Variants in SH3PXD2A observed in about 807,000 individuals in gnomAD.
The protein encoded by SH3PXD2A is SH3 and PX domain-containing protein 2A.
A neutral mutation model predicts 115.2 loss-of-function variants in SH3PXD2A; 32 were observed. That is an observed-to-expected ratio of 0.28 (90% CI 0.21 to 0.37). SH3PXD2A has a LOEUF of 0.37. SH3PXD2A is among the 10% of genes least tolerant of loss of function. SH3PXD2A has a pLI of 1.00. For synonymous variants in SH3PXD2A, 610 were observed against 629.1 expected (o/e 0.97, Z 0.45); for missense variants, 1,328 against 1,498.7 (o/e 0.89, Z 1.88).
rs144468476 is a variant in SH3PXD2A, at chr10:103,643,811, G to T, written c.605-16609C>A. On this transcript the variant is annotated intron_variant, in intron 8 of 14. Transcript: ENST00000369774. ...TGATCTTCTTCAGGTGAAGCTTGGGGTAAAGAATCTGCAGACCAGGCCAGG... is the reference window on the plus strand; with the variant it reads ...TGATCTTCTTCAGGTGAAGCTTGGGTTAAAGAATCTGCAGACCAGGCCAGG... Among the ~76,000 whole-genome samples the T allele has an allele frequency of 5.6e-3, 854 of 152,242 alleles. 6 individuals are homozygous for T. The highest frequency in any genetic ancestry group is 0.019 in the African/African-American group (810 of 41,548).
intron 1 of SH3PXD2A, among the ~76,000 whole-genome samples, chr10:103,825,648 T>A (rs757170206): frequency 2.0e-5 from 3 of 151,926 alleles, no homozygotes; most frequent in Non-Finnish European, 4.4e-5. Context: ...GAGCATAGAG[T>A]CCTGTGGCAT....
intron 8 of SH3PXD2A, among the ~76,000 whole-genome samples, chr10:103,631,625 T>C (rs923528014): frequency 4.6e-5 from 7 of 152,208 alleles, no homozygotes; most frequent in African/African-American, 1.7e-4. Context: ...ACCAGGCACC[T>C]GCTGCCACAG....
At chr10:103,722,595 C>T (rs987394738) in intron 5 of SH3PXD2A, among the ~76,000 whole-genome samples, 2 of 143,574 alleles carry the variant, frequency 1.4e-5, no homozygotes, top group Non-Finnish European at 3.0e-5. Context: ...AGCCAATATG[C>T]CTAGCTTTTT....
In SH3PXD2A at chr10:103,665,894, AG is replaced by A. The variant is rs759313560; in HGVS notation, c.472+2713del. Among the ~76,000 whole-genome samples the A allele has an allele frequency of 6.6e-6, 1 of 152,132 alleles. No individual in the cohort carries two copies. Among genetic ancestry groups the A allele is most frequent in the African/African-American group, 2.4e-5 (1 of 41,426 alleles). On this transcript the variant is annotated intron_variant, in intron 7 of 14. Coordinates refer to ENST00000369774, the MANE Select transcript of SH3PXD2A (RefSeq NM_001394015.1). The surrounding 1 kb of genome is among the most constrained non-coding windows in gnomAD (Gnocchi z 4.0). ...ACAGCAGAGCCTCTCCTGGGTTGGAAGGGGCCTTTGCATGAGTCTGATCCAG... is the reference window on the plus strand; with the variant it reads ...ACAGCAGAGCCTCTCCTGGGTTGGAAGGGCCTTTGCATGAGTCTGATCCAG...
At chr10:103,848,506 A>G (rs2134327363) in intron 1 of SH3PXD2A, among the ~76,000 whole-genome samples, 1 of 152,304 alleles carries the variant, frequency 6.6e-6, no homozygotes, top group Middle Eastern at 3.4e-3. Context: ...AGGTGTCTAC[A>G]GAATAAACTG....
At chr10:103,645,420 G>C (rs184190111) in intron 8 of SH3PXD2A, among the ~76,000 whole-genome samples, 1 of 152,200 alleles carries the variant, frequency 6.6e-6, no homozygotes, top group East Asian at 1.9e-4. Flanking sequence ...AGCTTACCCA[G>C]GAGGATCTGT....
chr10:103,662,341 C>CGGGGGGGGGGGGGGGGGGGGG (rs1196791691), intron 7 of SH3PXD2A, among the ~76,000 whole-genome samples: 1 of 10,628 alleles, frequency 9.4e-5, no homozygotes, highest in Admixed American at 1.8e-3. Context: ...CCATTATTGG[C>CGGGGGGGGGGGGGGGGGGGGG]GGGGGGGGGG....
At chr10:103,734,016 T>C (rs1564876000) in intron 4 of SH3PXD2A, among the ~76,000 whole-genome samples, 1 of 152,144 alleles carries the variant, frequency 6.6e-6, no homozygotes, top group Non-Finnish European at 1.5e-5. Flanking sequence ...AACAGCTCTG[T>C]ATGAGGACAC....
intron 2 of SH3PXD2A, among the ~76,000 whole-genome samples, chr10:103,790,087 C>T (rs1233199245): frequency 2.0e-5 from 3 of 152,120 alleles, no homozygotes; most frequent in African/African-American, 7.2e-5. Context: ...CCCACCCCTC[C>T]CTCCAGGCAC....
chr10:103,708,041 GTCC>G lies in SH3PXD2A; in HGVS notation c.399-14988_399-14986del, dbSNP rs137917223. 4.7e-3 allele frequency among the ~76,000 whole-genome samples: 711 copies of G among 152,182 alleles called. 5 individuals are homozygous for G. The highest frequency in any genetic ancestry group is 0.015 in the African/African-American group (618 of 41,508). On this transcript the variant is annotated intron_variant, in intron 5 of 14. Coordinates refer to ENST00000369774, the MANE Select transcript of SH3PXD2A (RefSeq NM_001394015.1). ...CCCACAGTCTCTCTCCCTTTCCAGT[GTCC>G]TCCTGCGCTCCTGGCTTGAGCACCT...
chr10:103,762,325 A>G (rs2038709265), intron 3 of SH3PXD2A, among the ~76,000 whole-genome samples: 1 of 152,114 alleles, frequency 6.6e-6, no homozygotes, highest in Admixed American at 6.5e-5. Flanking sequence ...ACTGCGCCCA[A>G]CATGTCTTAA....
chr10:103,734,834 G>T (rs571652200), intron 4 of SH3PXD2A, among the ~76,000 whole-genome samples: 6 of 152,196 alleles, frequency 3.9e-5, no homozygotes, highest in African/African-American at 1.4e-4. Context: ...TTTGCCCTTT[G>T]TAAAAATAAT....
chr10:103,853,500 A>C (rs1271857222), intron 1 of SH3PXD2A, among the ~76,000 whole-genome samples: 1 of 152,228 alleles, frequency 6.6e-6, no homozygotes, highest in African/African-American at 2.4e-5. Context: ...TAACTTGCCA[A>C]GGTGGCACAG....
chr10:103,791,031 G>A (rs1452647779), intron 2 of SH3PXD2A, among the ~76,000 whole-genome samples: 3 of 152,236 alleles, frequency 2.0e-5, no homozygotes, highest in South Asian at 2.1e-4. Flanking sequence ...GTCACTGGGG[G>A]AGCAGTGATG....
chr10:103,668,237 C>A (rs1252321240), intron 7 of SH3PXD2A, among the ~76,000 whole-genome samples: 2 of 152,270 alleles, frequency 1.3e-5, no homozygotes, highest in Non-Finnish European at 2.9e-5. Flanking sequence ...GAAAGCCCCA[C>A]CACTGCCTGA....
chr10:103,750,654 G>A (rs2038565930), intron 3 of SH3PXD2A, among the ~76,000 whole-genome samples: 1 of 152,190 alleles, frequency 6.6e-6, no homozygotes, highest in Admixed American at 6.5e-5. Context: ...GAGGCTCAGA[G>A]AGCTGATGGG....
At chr10:103,757,827 C>A (rs1033943450) in intron 3 of SH3PXD2A, among the ~76,000 whole-genome samples, 2 of 152,294 alleles carry the variant, frequency 1.3e-5, no homozygotes, top group South Asian at 4.1e-4. Context: ...TGCTGCTTTG[C>A]AAGTTACCAC....
intron 1 of SH3PXD2A, among the ~76,000 whole-genome samples, chr10:103,839,961 GT>G (rs2039581320): frequency 6.6e-6 from 1 of 152,248 alleles, no homozygotes; most frequent in African/African-American, 2.4e-5. Flanking sequence ...ACACCAGCTG[GT>G]CAGCAGGGCA....
At chr10:103,836,119 T>A (rs906812005) in intron 1 of SH3PXD2A, among the ~76,000 whole-genome samples, 1 of 152,188 alleles carries the variant, frequency 6.6e-6, no homozygotes, top group Non-Finnish European at 1.5e-5. Flanking sequence ...ATGAGGTCTA[T>A]GGGCACCTGC....
Sources: allele counts gnomAD v4.1 joint callset (sites outside exome capture counted in the v4.1 genomes callset), GRCh38; gene constraint gnomAD v4.1.1; non-coding constraint Gnocchi (gnomAD v3.1); transcripts MANE v1.5; gene names NCBI Gene and HGNC (gene_info 2026-07-23, HGNC 2026-07-21).